Variants in MTUS2 observed in about 807,000 individuals in gnomAD.
The protein encoded by MTUS2 is microtubule-associated tumor suppressor candidate 2.
A neutral mutation model predicts 114.1 loss-of-function variants in MTUS2; 40 were observed. The ratio of observed to expected loss-of-function variants is 0.35; its 90% CI spans 0.27 to 0.46. The LOEUF (loss-of-function observed/expected upper bound fraction) is 0.46, where lower values mean the gene tolerates loss of function less well. Ranked by LOEUF, MTUS2 falls within the 20% of genes least tolerant of loss-of-function variation. The pLI, the probability that MTUS2 is intolerant of heterozygous loss-of-function variation, is 1.00. For missense variants in MTUS2, 1,679 were observed against 1,705.4 expected (o/e 0.98, Z 0.27); for synonymous variants, 688 against 672.0 (o/e 1.02, Z -0.37).
Position 29,324,600 on chromosome 13 carries a change from C to A in MTUS2, c.2807-13C>A, listed in dbSNP as rs1402649097. 1.9e-6 allele frequency: 3 copies of A among 1,554,330 alleles called. No individual in the cohort carries two copies. Among genetic ancestry groups the A allele is most frequent in the Non-Finnish European group, 2.6e-6 (3 of 1,143,914 alleles). On this transcript the variant is annotated splice_polypyrimidine_tract_variant and intron_variant, in intron 6 of 15. Coordinates refer to ENST00000612955, the MANE Select transcript of MTUS2 (RefSeq NM_001033602.4). ...TTACTTTCTACCTATTTCTCTTTTC[C>A]AACTATACACAGGAACAAAGAAAGA...
chr13:29,013,216 A>G lies in MTUS2; in HGVS notation c.-242-11241A>G, dbSNP rs77831550. 3.6e-3 allele frequency among the ~76,000 whole-genome samples: 548 copies of G among 152,276 alleles called. 3 individuals are homozygous for G. Among genetic ancestry groups the G allele is most frequent in the African/African-American group, 0.012 (511 of 41,552 alleles). On this transcript the variant is annotated intron_variant, in intron 2 of 15. Coordinates refer to ENST00000612955, the MANE Select transcript of MTUS2 (RefSeq NM_001033602.4). ...CTTCTGTTAATGAACACAAGCACAT[A>G]ACATTGGTATTGGAGCAGTTTGGAT...
chr13:29,199,715 A>C (rs1894858081), intron 5 of MTUS2, among the ~76,000 whole-genome samples: 1 of 152,158 alleles, frequency 6.6e-6, no homozygotes, highest in East Asian at 1.9e-4. Flanking sequence ...AAAATGAGTT[A>C]GGGAGGAGTC....
chr13:28,999,122 G>A (rs1287808077), intron 2 of MTUS2, among the ~76,000 whole-genome samples: 1 of 151,976 alleles, frequency 6.6e-6, no homozygotes, highest in East Asian at 1.9e-4. Flanking sequence ...AGGACCCTCA[G>A]CTGCAGGTCT....
At chr13:29,109,101 A>G (rs1378758844) in intron 5 of MTUS2, among the ~76,000 whole-genome samples, 1 of 152,002 alleles carries the variant, frequency 6.6e-6, no homozygotes, top group Non-Finnish European at 1.5e-5. Flanking sequence ...TTTTTGTTTT[A>G]TTTTATTTTT....
chr13:29,256,978 T>C (rs1048840482), intron 5 of MTUS2, among the ~76,000 whole-genome samples: 7 of 152,214 alleles, frequency 4.6e-5, no homozygotes, highest in African/African-American at 1.7e-4. Context: ...CTGACCTACA[T>C]TGTTGCAAAA....
chr13:29,245,537 A>G (rs1204681106), intron 5 of MTUS2, among the ~76,000 whole-genome samples: 1 of 152,144 alleles, frequency 6.6e-6, no homozygotes, highest in Non-Finnish European at 1.5e-5. Flanking sequence ...GTCTCCTTCC[A>G]TCCTTATAAC....
intron 4 of MTUS2, among the ~76,000 whole-genome samples, chr13:29,098,409 A>C (rs908741493): frequency 1.6e-4 from 25 of 152,226 alleles, no homozygotes; most frequent in Admixed American, 1.3e-3. Context: ...TTGTATGCGC[A>C]GAGAGTTGGG....
intron 9 of MTUS2, among the ~76,000 whole-genome samples, chr13:29,463,348 T>C (rs1879649031): frequency 6.6e-6 from 1 of 152,112 alleles, no homozygotes; most frequent in African/African-American, 2.4e-5. Flanking sequence ...GGGAATTTGT[T>C]AGAGCGGCCA....
chr13:29,487,306 T>C (rs1285229456), intron 10 of MTUS2, among the ~76,000 whole-genome samples: 1 of 152,080 alleles, frequency 6.6e-6, no homozygotes, highest in African/African-American at 2.4e-5. Context: ...GCCTTTGGAG[T>C]CAGACAGACC....
intron 2 of MTUS2, among the ~76,000 whole-genome samples, chr13:28,930,336 A>G (rs1374123424): frequency 6.6e-6 from 1 of 152,106 alleles, no homozygotes; most frequent in African/African-American, 2.4e-5. Flanking sequence ...TAAACTGAGC[A>G]CCTTCCCCAG....
intron 5 of MTUS2, among the ~76,000 whole-genome samples, chr13:29,230,665 T>G (rs1374712638): frequency 6.6e-6 from 1 of 152,260 alleles, no homozygotes; most frequent in Non-Finnish European, 1.5e-5. Flanking sequence ...GCATTATTTA[T>G]TTTCACAAAC....
chr13:29,437,292 T>C (rs1260035888), intron 8 of MTUS2, among the ~76,000 whole-genome samples: 1 of 152,266 alleles, frequency 6.6e-6, no homozygotes, highest in Non-Finnish European at 1.5e-5. Flanking sequence ...ATTTCTGGAC[T>C]GATAAGCATA....
chr13:29,157,637 C>T (rs1834120250), intron 5 of MTUS2, among the ~76,000 whole-genome samples: 1 of 152,114 alleles, frequency 6.6e-6, no homozygotes, highest in Admixed American at 6.6e-5. Context: ...TCTTTCTGTC[C>T]TGGAGAGACT....
intron 9 of MTUS2, among the ~76,000 whole-genome samples, chr13:29,471,437 C>T (rs535543100): frequency 1.4e-4 from 22 of 152,224 alleles, no homozygotes; most frequent in Admixed American, 6.5e-4. Context: ...TCCACTATGC[C>T]AAGAACTATG....
At chr13:28,962,159 T>C (rs1883359586) in intron 2 of MTUS2, among the ~76,000 whole-genome samples, 1 of 151,926 alleles carries the variant, frequency 6.6e-6, no homozygotes, top group Admixed American at 6.6e-5. Context: ...AACAAATTGT[T>C]GTCCTGAAAA....
At chr13:29,416,886 C>T (rs2138575208) in intron 8 of MTUS2, among the ~76,000 whole-genome samples, 1 of 152,166 alleles carries the variant, frequency 6.6e-6, no homozygotes, top group African/African-American at 2.4e-5. Context: ...TTTAATAAGT[C>T]TTAGAGTTGC....
intron 5 of MTUS2, among the ~76,000 whole-genome samples, chr13:29,137,351 C>T (rs895668056): frequency 6.6e-6 from 1 of 152,116 alleles, no homozygotes; most frequent in African/African-American, 2.4e-5. Context: ...TGCTTCCGTG[C>T]TCATCCTATC....
At chr13:29,168,637 T>A (rs1893418162) in intron 5 of MTUS2, among the ~76,000 whole-genome samples, 2 of 152,196 alleles carry the variant, frequency 1.3e-5, no homozygotes, top group Admixed American at 1.3e-4. Context: ...GCCCTCATTT[T>A]TGGGCAGGAA....
intron 8 of MTUS2, among the ~76,000 whole-genome samples, chr13:29,365,321 G>A (rs1870610019): frequency 6.6e-6 from 1 of 152,170 alleles, no homozygotes; most frequent in African/African-American, 2.4e-5. Flanking sequence ...GAATAGCGAA[G>A]TCTTCTCAAC....
Sources: gnomAD v4.1 joint callset for allele counts (sites outside exome capture counted in the v4.1 genomes callset) on GRCh38, gnomAD v4.1.1 for gene constraint, MANE v1.5 for transcripts, NCBI Gene and HGNC (gene_info 2026-07-23, HGNC 2026-07-21) for gene names.